The following PCDH9 variants were observed in gnomAD, a reference collection of about 807,000 sequenced individuals.
PCDH9 encodes protocadherin 9, also known as protocadherin-9.
In PCDH9, 24 loss-of-function variants were observed where a neutral mutation model predicts 70.6. The ratio of observed to expected loss-of-function variants is 0.34; its 90% CI spans 0.25 to 0.48. The LOEUF (loss-of-function observed/expected upper bound fraction) is 0.48. Ranked by LOEUF, PCDH9 falls within the 20% of genes least tolerant of loss-of-function variation. The probability of loss-of-function intolerance (pLI) is 0.99; values close to 1 mark genes in which losing one functional copy is unlikely to be tolerated. For synonymous variants in PCDH9, 562 were observed against 558.5 expected, an observed-to-expected ratio of 1.01 and a Z score of -0.09; for missense variants, 1,281 against 1,503.6, an observed-to-expected ratio of 0.85 and a Z score of 2.45.
intron 2 of PCDH9, among the ~76,000 whole-genome samples, chr13:66,988,349 T>C (rs1181443423): frequency 6.6e-6 from 1 of 152,070 alleles, no homozygotes; most frequent in East Asian, 1.9e-4. Context: ...ACTTTTGGCA[T>C]GTTTGCCAGT....
At position 67,021,842 on chromosome 13, in the gene PCDH9, G is replaced by A. The variant is rs116836327; in HGVS notation, c.3037-118237C>T. Among the ~76,000 whole-genome samples, 544 of 152,194 alleles carry A rather than the reference G, an allele frequency of 3.6e-3. 3 individuals carry two copies. The highest frequency in any genetic ancestry group is 0.012 in the African/African-American group (514 of 41,506). On this transcript the variant is annotated intron_variant, in intron 2 of 4. Transcript: ENST00000377865. ...CCCAAAGTGCTAGAAATATAGGCATGAGCCACCATGCCTGGCGATAGTGTA... is the reference window on the plus strand; with the variant it reads ...CCCAAAGTGCTAGAAATATAGGCATAAGCCACCATGCCTGGCGATAGTGTA...
At chr13:66,580,544 T>G (rs1023108611) in intron 4 of PCDH9, among the ~76,000 whole-genome samples, 6 of 151,940 alleles carry the variant, frequency 3.9e-5, no homozygotes, top group Middle Eastern at 3.4e-3. Flanking sequence ...TTGTCAATGG[T>G]ATGGACATCT....
chr13:67,162,100 T>C (rs1402987038), intron 2 of PCDH9, among the ~76,000 whole-genome samples: 1 of 152,226 alleles, frequency 6.6e-6, no homozygotes, highest in African/African-American at 2.4e-5. Context: ...TGATTTTTAG[T>C]GTTGTTAATT....
intron 4 of PCDH9, among the ~76,000 whole-genome samples, chr13:66,594,375 A>T (rs1357511389): frequency 6.6e-6 from 1 of 151,838 alleles, no homozygotes; most frequent in African/African-American, 2.4e-5. Flanking sequence ...TACTTTAAGA[A>T]AAATAAACAG....
intron 4 of PCDH9, among the ~76,000 whole-genome samples, chr13:66,415,228 C>T (rs993766948): frequency 6.6e-6 from 1 of 152,128 alleles, no homozygotes; most frequent in African/African-American, 2.4e-5. Flanking sequence ...CACCTTCCAT[C>T]CCTCACCTTT....
intron 2 of PCDH9, among the ~76,000 whole-genome samples, chr13:67,045,342 G>A (rs999218526): frequency 6.6e-5 from 10 of 151,940 alleles, no homozygotes; most frequent in Admixed American, 3.9e-4. Flanking sequence ...ATAGTTTAGC[G>A]TATTGTACAA....
At chr13:66,730,079 C>T (rs2079052863) in intron 3 of PCDH9, among the ~76,000 whole-genome samples, 2 of 152,042 alleles carry the variant, frequency 1.3e-5, no homozygotes, top group South Asian at 4.1e-4. Context: ...GGCCTATAGC[C>T]CCATTATACT....
At chr13:66,498,333 C>T (rs1448517180) in intron 4 of PCDH9, among the ~76,000 whole-genome samples, 1 of 151,552 alleles carries the variant, frequency 6.6e-6, no homozygotes, top group Non-Finnish European at 1.5e-5. Flanking sequence ...TTAGTAGAGA[C>T]GGGGTTTCAC....
rs964884273 is a variant in PCDH9 at position 66,488,253 on chromosome 13, C to T, written c.3340+142957G>A. Among the ~76,000 whole-genome samples, 11 of 152,238 alleles carry T rather than the reference C, an allele frequency of 7.2e-5. No individual in the cohort carries two copies. In the South Asian group the frequency reaches 8.3e-4, roughly 11 times the overall value. On this transcript the variant is annotated intron_variant, in intron 4 of 4. Transcript: ENST00000377865. The stretch of plus-strand genomic sequence containing the variant: ...AGAGATAGTTCAGAGAAATACAAAA[C>T]GACCTAATGACCTAGAATTGCTCAA...
intron 2 of PCDH9, among the ~76,000 whole-genome samples, chr13:67,113,708 C>G (rs2086703858): frequency 6.6e-6 from 1 of 152,068 alleles, no homozygotes; most frequent in Admixed American, 6.6e-5. Flanking sequence ...CCATCACGCC[C>G]GGCTAATTTT....
chr13:67,032,421 C>A (rs1447549424), intron 2 of PCDH9, among the ~76,000 whole-genome samples: 1 of 152,038 alleles, frequency 6.6e-6, no homozygotes, highest in Non-Finnish European at 1.5e-5. Context: ...TCCTAGGCCT[C>A]CCAAAGTGCT....
chr13:66,429,714 G>T (rs1957737279), intron 4 of PCDH9, among the ~76,000 whole-genome samples: 1 of 151,710 alleles, frequency 6.6e-6, no homozygotes, highest in African/African-American at 2.4e-5. Flanking sequence ...AGAAGAAGAA[G>T]AAGAAAAAAA....
At chr13:66,838,838 C>G (rs950424984) in intron 3 of PCDH9, among the ~76,000 whole-genome samples, 1 of 151,908 alleles carries the variant, frequency 6.6e-6, no homozygotes, top group Non-Finnish European at 1.5e-5. Flanking sequence ...GCACTAATCT[C>G]TAGTAACAGA....
chr13:66,760,559 C>G (rs1318799845), intron 3 of PCDH9, among the ~76,000 whole-genome samples: 1 of 152,122 alleles, frequency 6.6e-6, no homozygotes, highest in African/African-American at 2.4e-5. Flanking sequence ...CCTCAGGACC[C>G]TGTGATGATT....
chr13:67,153,812 T>C (rs2087724778), intron 2 of PCDH9, among the ~76,000 whole-genome samples: 1 of 152,178 alleles, frequency 6.6e-6, no homozygotes, highest in Admixed American at 6.5e-5. Flanking sequence ...ACATTTACAG[T>C]CTAATAGGCA....
intron 2 of PCDH9, among the ~76,000 whole-genome samples, chr13:67,157,301 C>T (rs1046775636): frequency 2.6e-5 from 4 of 152,122 alleles, no homozygotes; most frequent in East Asian, 1.9e-4. Context: ...ATTTAAAAAT[C>T]TCCTCCATTA....
At chr13:66,815,681 G>A (rs1360888033) in intron 3 of PCDH9, among the ~76,000 whole-genome samples, 1 of 152,110 alleles carries the variant, frequency 6.6e-6, no homozygotes, top group Admixed American at 6.6e-5. Flanking sequence ...AATACCACAT[G>A]TTCTCACTTA....
At chr13:67,018,967 G>A (rs77115824) in intron 2 of PCDH9, among the ~76,000 whole-genome samples, 4,596 of 152,060 alleles carry the variant, frequency 0.03, 126 homozygotes, top group South Asian at 0.11. Flanking sequence ...ATCACCACCT[G>A]CCCTAGTTGC....
In PCDH9 at chr13:66,781,781, C is replaced by A. The variant is rs543525884; in HGVS notation, c.3138+121723G>T. On this transcript the variant is annotated intron_variant, in intron 3 of 4. Coordinates refer to ENST00000377865, the MANE Select transcript of PCDH9 (RefSeq NM_203487.3). ...CTAAAATATAATGATAAAAGCAATA[C>A]TTCAATCATGAAGCTGGCACATAAG... Among the ~76,000 whole-genome samples the A allele has an allele frequency of 9.2e-5, 14 of 152,224 alleles. 1 individual carries two copies. The South Asian group carries it at 2.7e-3, about 29-fold the overall frequency.
Sources: allele counts gnomAD v4.1 joint callset (sites outside exome capture counted in the v4.1 genomes callset), GRCh38; gene constraint gnomAD v4.1.1; transcripts MANE v1.5; gene names NCBI Gene and HGNC (gene_info 2026-07-23, HGNC 2026-07-21).